Variants in POFUT4 observed in about 807,000 individuals in gnomAD.
The protein encoded by POFUT4 is protein O-fucosyltransferase 4.
the POFUT4 span, chr10:73,780,147 T>C: frequency 6.6e-6 from 1 of 152,232 alleles, no homozygotes; most frequent in Non-Finnish European, 1.5e-5. Context: ...TTAATTATAC[T>C]CTGGAGTGTG....
At chr10:73,773,623 C>T in the POFUT4 span, 31 of 1,614,246 alleles carry the variant, frequency 1.9e-5, no homozygotes, top group South Asian at 4.4e-5. Flanking sequence ...CCTTTGCTGC[C>T]TAACTACCTC....
chr10:73,775,314 A>C, the POFUT4 span: 47 of 1,059,400 alleles, frequency 4.4e-5, no homozygotes, highest in Non-Finnish European at 6.4e-5. Context: ...GCAAGTCAGG[A>C]ATCGTAATTG....
At chr10:73,779,866 T>C in the POFUT4 span, 1 of 152,284 alleles carries the variant, frequency 6.6e-6, no homozygotes, top group African/African-American at 2.4e-5. Flanking sequence ...TGACTGTTGC[T>C]GGAGCCTCAG....
chr10:73,779,610 CAA>C, the POFUT4 span: 1 of 151,470 alleles, frequency 6.6e-6, no homozygotes, highest in African/African-American at 2.4e-5. Flanking sequence ...TAGGCACTGA[CAA>C]AAGAGGTCAA....
At chr10:73,778,048 GA>G in the POFUT4 span, among the ~76,000 whole-genome samples, 1 of 150,086 alleles carries the variant, frequency 6.7e-6, no homozygotes, top group Non-Finnish European at 1.5e-5. Flanking sequence ...TGTTTTAGTA[GA>G]AACAGGGTTT....
the POFUT4 span, chr10:73,773,856 C>T: frequency 6.6e-7 from 1 of 1,511,834 alleles, no homozygotes. Flanking sequence ...AAATCATTTA[C>T]TTACTTGCTT....
At chr10:73,775,475 C>T in the POFUT4 span, 79 of 1,613,954 alleles carry the variant, frequency 4.9e-5, no homozygotes, top group Middle Eastern at 1.3e-3. Flanking sequence ...TGGCCCCACT[C>T]GGAAAAAGGC....
At chr10:73,773,197 C>G in the POFUT4 span, 2 of 1,609,766 alleles carry the variant, frequency 1.2e-6, no homozygotes, top group East Asian at 2.2e-5. Context: ...TAGGTAGACT[C>G]CTACGGGAAA....
At chr10:73,773,154 C>T in the POFUT4 span, 1 of 1,564,198 alleles carries the variant, frequency 6.4e-7, no homozygotes, top group Non-Finnish European at 8.6e-7. Flanking sequence ...CCTCCAGGGC[C>T]GCACCCTCAT....
chr10:73,775,702 C>CT, the POFUT4 span: 2 of 1,613,650 alleles, frequency 1.2e-6, no homozygotes, highest in Admixed American at 3.3e-5. Flanking sequence ...TTGCAAGAGC[C>CT]TTTAACTTGG....
At chr10:73,776,716 T>G in the POFUT4 span, among the ~76,000 whole-genome samples, 4 of 152,082 alleles carry the variant, frequency 2.6e-5, no homozygotes, top group African/African-American at 9.7e-5. Context: ...GAGTCTTGCT[T>G]TGTCACCAGC....
At chr10:73,772,559 C>T in the POFUT4 span, 4 of 1,579,622 alleles carry the variant, frequency 2.5e-6, no homozygotes, top group Admixed American at 1.8e-5. Flanking sequence ...GGGGGACTTG[C>T]CGGTACTGCT....
chr10:73,775,152 T>A, the POFUT4 span: 1 of 480,226 alleles, frequency 2.1e-6, no homozygotes, highest in East Asian at 3.3e-5. Flanking sequence ...TTGATGCACC[T>A]TCATTTTGAT....
chr10:73,773,626 A>G, the POFUT4 span: 1 of 1,614,238 alleles, frequency 6.2e-7, no homozygotes. Flanking sequence ...TTGCTGCCTA[A>G]CTACCTCAAC....
the POFUT4 span, chr10:73,774,217 A>C: frequency 1.8e-5 from 3 of 165,780 alleles, no homozygotes; most frequent in Admixed American, 6.2e-5. Context: ...CCTTTTATAG[A>C]GTGGAAATGG....
the POFUT4 span, chr10:73,773,306 G>T: frequency 3.7e-6 from 6 of 1,614,160 alleles, no homozygotes; most frequent in Non-Finnish European, 5.1e-6. Flanking sequence ...CCCGCTATAA[G>T]TTCCACTTGG....
chr10:73,775,497 C>T, the POFUT4 span: 32 of 1,614,092 alleles, frequency 2.0e-5, no homozygotes, highest in African/African-American at 4.0e-4. Context: ...GGACTCATAA[C>T]TATGCTGCAG....
chr10:73,776,375 C>G, the POFUT4 span, among the ~76,000 whole-genome samples: 1 of 151,836 alleles, frequency 6.6e-6, no homozygotes, highest in East Asian at 1.9e-4. Context: ...CCACCTCACC[C>G]AGCCCTAATT....
At chr10:73,774,776 G>A in the POFUT4 span, 181 of 155,168 alleles carry the variant, frequency 1.2e-3, no homozygotes, top group Admixed American at 1.5e-3. Context: ...GTGGCAAAAG[G>A]TGGTGGTACT....
Sources: gnomAD v4.1 joint callset for allele counts (sites outside exome capture counted in the v4.1 genomes callset) on GRCh38, gnomAD v4.1.1 for gene constraint, MANE v1.5 for transcripts, NCBI Gene and HGNC (gene_info 2026-07-23, HGNC 2026-07-21) for gene names.